Variants in ACOT12 observed in about 807,000 individuals in gnomAD.
ACOT12 encodes the protein acetyl-coenzyme A thioesterase.
ACOT12 carries 51 observed loss-of-function variants against 67.7 expected under a neutral mutation model. That is an observed-to-expected ratio of 0.75 (90% CI 0.60 to 0.95). ACOT12 has a LOEUF of 0.95. Ranked by LOEUF, ACOT12 falls within the 40% of genes least tolerant of loss-of-function variation. The pLI is 0.00. For missense variants in ACOT12, 734 were observed against 708.1 expected, an observed-to-expected ratio of 1.04 and a Z score of -0.41; for synonymous variants, 251 against 244.6, an observed-to-expected ratio of 1.03 and a Z score of -0.24.
intron 11 of ACOT12, among the ~76,000 whole-genome samples, chr5:81,339,017 T>C (rs1340848865): frequency 6.7e-6 from 1 of 149,864 alleles, no homozygotes; most frequent in East Asian, 2.0e-4. Flanking sequence ...GGAGGGGGAG[T>C]TGTAGTGAAC....
At chr5:81,322,755 G>C in the ACOT12 span, among the ~76,000 whole-genome samples, 1 of 152,156 alleles carries the variant, frequency 6.6e-6, no homozygotes, top group South Asian at 2.1e-4. Flanking sequence ...TTAAAATCAT[G>C]GTGGAAGGCA....
the ACOT12 span, among the ~76,000 whole-genome samples, chr5:81,323,042 G>A: frequency 7.0e-6 from 1 of 143,240 alleles, no homozygotes. Context: ...ATAGATAAAT[G>A]CAATTATACT....
chr5:81,365,545 A>G (rs1429715358), intron 3 of ACOT12, among the ~76,000 whole-genome samples: 1 of 152,266 alleles, frequency 6.6e-6, no homozygotes, highest in Non-Finnish European at 1.5e-5. Flanking sequence ...GTCTTCTACT[A>G]GAAGAGTTAA....
intron 4 of ACOT12, among the ~76,000 whole-genome samples, chr5:81,362,050 A>G (rs955056428): frequency 2.8e-4 from 42 of 152,268 alleles, no homozygotes; most frequent in African/African-American, 1.0e-3. Context: ...TTTACAATTA[A>G]GGTTATCTGA....
intron 11 of ACOT12, among the ~76,000 whole-genome samples, chr5:81,340,519 C>G (rs1759160727): frequency 6.6e-6 from 1 of 151,936 alleles, no homozygotes; most frequent in African/African-American, 2.4e-5. Flanking sequence ...CTGCCACTGC[C>G]CCTGTCTAAT....
chr5:81,331,061 T>A, intron 13 of ACOT12, 121 bp from the exon 14 acceptor site: 1 of 1,176,514 alleles, frequency 8.5e-7, no homozygotes, highest in South Asian at 2.2e-5. Flanking sequence ...GGCCCAGATC[T>A]TCTAGAAGAG....
chr5:81,335,594 G>C (rs1259705095), intron 12 of ACOT12, among the ~76,000 whole-genome samples, 174 bp downstream of exon 12: 1 of 152,094 alleles, frequency 6.6e-6, no homozygotes, highest in African/African-American at 2.4e-5. Context: ...TGAACTCCCG[G>C]ACTCAACTAT....
At chr5:81,348,533 A>G (rs1364471107) in intron 5 of ACOT12, among the ~76,000 whole-genome samples, 3 of 152,168 alleles carry the variant, frequency 2.0e-5, no homozygotes, top group African/African-American at 7.2e-5. Flanking sequence ...CACAAGCAGG[A>G]AAGACACAAT....
chr5:81,340,731 G>C (rs1759169343), intron 11 of ACOT12, among the ~76,000 whole-genome samples: 1 of 151,836 alleles, frequency 6.6e-6, no homozygotes, highest in Admixed American at 6.6e-5. Flanking sequence ...AAAAAAATTA[G>C]AGTCATATTT....
rs1758771915 is a variant in ACOT12, at chr5:81,330,287, G to A, written c.*107C>T. The stretch of plus-strand genomic sequence containing the variant: ...AACTCCGTCACTGCATTTTGCTTAG[G>A]GTTATATTAAATTATTTTGTGGCCC... On this transcript the variant is annotated 3_prime_UTR_variant, in exon 15 of 15. Coordinates refer to ENST00000307624, the MANE Select transcript of ACOT12 (RefSeq NM_130767.3). 2 of 1,300,704 alleles carry A rather than the reference G, an allele frequency of 1.5e-6. No individual in the cohort carries two copies. Among genetic ancestry groups the A allele is most frequent in the Non-Finnish European group, 1.0e-6 (1 of 959,280 alleles). 80.6% of individuals were successfully genotyped at this position (1,300,704 alleles called of 1,614,324 possible).
rs1404321970 is a variant in ACOT12, at chr5:81,363,895, A to AT, written c.259-7dup. 2 of 1,558,164 alleles carry AT rather than the reference A, an allele frequency of 1.3e-6. No individual in the cohort carries two copies. Among genetic ancestry groups the AT allele is most frequent in the Middle Eastern group, 1.7e-4 (1 of 5,834 alleles). ...ACCATGACCTTGATACTGATCTAAA[A>AT]TGAAAAAAAGATAAATAAATACACT... On this transcript the variant is annotated splice_region_variant and splice_polypyrimidine_tract_variant and intron_variant, in intron 3 of 14. Transcript: ENST00000307624.
the ACOT12 span, among the ~76,000 whole-genome samples, chr5:81,324,835 G>T: frequency 6.6e-6 from 1 of 152,222 alleles, no homozygotes; most frequent in Non-Finnish European, 1.5e-5. Flanking sequence ...TTTGGCAATA[G>T]AAAAGACATA....
chr5:81,389,855 C>A (rs1034953291), intron 1 of ACOT12, among the ~76,000 whole-genome samples: 2 of 150,476 alleles, frequency 1.3e-5, no homozygotes, highest in East Asian at 3.9e-4. Flanking sequence ...TGTTCTATGA[C>A]CTTGAATCTG....
At chr5:81,334,082 C>T (rs971209515) in intron 12 of ACOT12, among the ~76,000 whole-genome samples, 1 of 152,188 alleles carries the variant, frequency 6.6e-6, no homozygotes, top group South Asian at 2.1e-4. Context: ...GGCAGCCTGA[C>T]TCCAGAAGAA....
At chr5:81,322,036 G>A in the ACOT12 span, among the ~76,000 whole-genome samples, 5 of 152,138 alleles carry the variant, frequency 3.3e-5, no homozygotes, top group African/African-American at 1.2e-4. Flanking sequence ...ATCGATATAT[G>A]TGAAAAGGGG....
intron 3 of ACOT12, among the ~76,000 whole-genome samples, chr5:81,368,862 T>C (rs1760158999): frequency 6.6e-6 from 1 of 151,400 alleles, no homozygotes; most frequent in Non-Finnish European, 1.5e-5. Flanking sequence ...AAAAATTATA[T>C]ATACTATATC....
chr5:81,380,455 T>G (rs1230659580), intron 2 of ACOT12, among the ~76,000 whole-genome samples: 1 of 150,630 alleles, frequency 6.6e-6, no homozygotes, highest in Admixed American at 6.6e-5. Flanking sequence ...TCTCAGCTAC[T>G]CGGGAGGCTG....
At chr5:81,351,954 T>C (rs1028503640) in intron 5 of ACOT12, among the ~76,000 whole-genome samples, 6 of 152,038 alleles carry the variant, frequency 3.9e-5, no homozygotes, top group Non-Finnish European at 5.9e-5. Flanking sequence ...AAGATTTGAA[T>C]AGACATTTCT....
At chr5:81,351,128 T>G (rs1023741452) in intron 5 of ACOT12, among the ~76,000 whole-genome samples, 2 of 152,238 alleles carry the variant, frequency 1.3e-5, no homozygotes, top group African/African-American at 4.8e-5. Flanking sequence ...ATCCACTATA[T>G]TGCTAGAATC....
Sources: allele counts gnomAD v4.1 joint callset (sites outside exome capture counted in the v4.1 genomes callset), GRCh38; gene constraint gnomAD v4.1.1; transcripts MANE v1.5; gene names NCBI Gene and HGNC (gene_info 2026-07-23, HGNC 2026-07-21).